The following TMEM62 variants were observed in gnomAD, a reference collection of about 807,000 sequenced individuals.
TMEM62 encodes the protein transmembrane protein 62.
A neutral mutation model predicts 70.4 loss-of-function variants in TMEM62; 41 were observed. That is an observed-to-expected ratio of 0.58 (90% CI 0.45 to 0.76). The LOEUF is 0.76. Among genes scored for constraint, TMEM62 ranks in the 30% least tolerant of loss-of-function variants. The probability of loss-of-function intolerance (pLI) is 0.00; values close to 1 mark genes in which losing one functional copy is unlikely to be tolerated. For missense variants in TMEM62, 688 were observed against 788.5 expected (o/e 0.87, Z 1.53); for synonymous variants, 268 against 291.0 (o/e 0.92, Z 0.80).
At chr15:43,140,804 T>C (rs538024878) in intron 4 of TMEM62, among the ~76,000 whole-genome samples, 5 of 152,334 alleles carry the variant, frequency 3.3e-5, no homozygotes, top group African/African-American at 1.2e-4. Flanking sequence ...GGTACATACA[T>C]GCTTCCCTTC....
chr15:43,181,383 AG>A, intron 13 of TMEM62, 84 bp downstream of exon 13: 1 of 849,476 alleles, frequency 1.2e-6, no homozygotes. Flanking sequence ...TCCAAAATCC[AG>A]AATTAAGTAC....
intron 10 of TMEM62, among the ~76,000 whole-genome samples, chr15:43,166,807 A>G (rs1196924114): frequency 6.6e-6 from 1 of 152,042 alleles, no homozygotes; most frequent in East Asian, 1.9e-4. Context: ...AATCCATTCA[A>G]CCCTGAGTGG....
chr15:43,142,757 C>G (rs1169458212), intron 4 of TMEM62, among the ~76,000 whole-genome samples: 2 of 151,864 alleles, frequency 1.3e-5, no homozygotes, highest in Non-Finnish European at 2.9e-5. Flanking sequence ...CAATCTCCAC[C>G]TTCCAGGCTC....
At chr15:43,181,433 T>C in intron 13 of TMEM62, 134 bp downstream of exon 13, 1 of 660,936 alleles carries the variant, frequency 1.5e-6, no homozygotes. Flanking sequence ...AGGGCAGTCT[T>C]TAATAAAAGC....
chr15:43,177,355 G>A (rs2040861531), intron 11 of TMEM62, among the ~76,000 whole-genome samples: 1 of 152,024 alleles, frequency 6.6e-6, no homozygotes, highest in African/African-American at 2.4e-5. Context: ...GAAGCAACAG[G>A]TGCTGGAGAG....
At chr15:43,155,683 T>C (rs2037965717) in intron 9 of TMEM62, among the ~76,000 whole-genome samples, 2 of 152,158 alleles carry the variant, frequency 1.3e-5, no homozygotes, top group African/African-American at 4.8e-5. Context: ...TTGCCCAGAA[T>C]CTTTTCATAA....
intron 11 of TMEM62, among the ~76,000 whole-genome samples, chr15:43,175,724 A>G (rs2040653171): frequency 6.6e-6 from 1 of 152,194 alleles, no homozygotes; most frequent in South Asian, 2.1e-4. Context: ...GAACAGGAAC[A>G]GCTCCGGTCT....
At chr15:43,176,111 G>A (rs928982601) in intron 11 of TMEM62, among the ~76,000 whole-genome samples, 4 of 152,268 alleles carry the variant, frequency 2.6e-5, no homozygotes, top group African/African-American at 9.6e-5. Context: ...CAAACTGCAA[G>A]GCAGCAGTGA....
intron 8 of TMEM62, among the ~76,000 whole-genome samples, chr15:43,154,058 G>A (rs2037740427): frequency 1.3e-5 from 2 of 152,094 alleles, no homozygotes; most frequent in African/African-American, 4.8e-5. Flanking sequence ...TATTATTATT[G>A]GATATTATGC....
At chr15:43,134,163 CT>C in intron 1 of TMEM62, 93 bp from the exon 2 acceptor site, 1 of 1,483,928 alleles carries the variant, frequency 6.7e-7, no homozygotes, top group Non-Finnish European at 9.2e-7. Context: ...GCCTCTTTGC[CT>C]TTTCCTTCTG....
chr15:43,173,614 T>C (rs780177811), intron 11 of TMEM62, among the ~76,000 whole-genome samples: 11 of 152,230 alleles, frequency 7.2e-5, no homozygotes, highest in Non-Finnish European at 1.5e-4. Flanking sequence ...ATCCCTACTT[T>C]AAGTTATTTT....
intron 11 of TMEM62, among the ~76,000 whole-genome samples, chr15:43,174,208 C>T (rs1406242710): frequency 2.0e-5 from 3 of 152,130 alleles, no homozygotes; most frequent in Non-Finnish European, 2.9e-5. Context: ...CTGTTTCCCA[C>T]AGCCCCCAGC....
chr15:43,161,490 C>T (rs1234774170), intron 10 of TMEM62, among the ~76,000 whole-genome samples: 1 of 152,052 alleles, frequency 6.6e-6, no homozygotes, highest in Admixed American at 6.6e-5. Flanking sequence ...GTGTAGAAAA[C>T]TTGGAAAATT....
At chr15:43,167,289 G>A (rs1477502525) in intron 10 of TMEM62, among the ~76,000 whole-genome samples, 3 of 151,882 alleles carry the variant, frequency 2.0e-5, no homozygotes, top group African/African-American at 7.2e-5. Context: ...CTCCCGGACG[G>A]GGTGGCTGCC....
At chr15:43,175,938 G>T (rs367872663) in intron 11 of TMEM62, among the ~76,000 whole-genome samples, 2 of 152,338 alleles carry the variant, frequency 1.3e-5, no homozygotes, top group South Asian at 4.1e-4. Context: ...GTCAAAGAAA[G>T]GGGTAACAGA....
chr15:43,149,684 A>G (rs935093666), intron 7 of TMEM62, among the ~76,000 whole-genome samples: 3 of 151,996 alleles, frequency 2.0e-5, no homozygotes, highest in Admixed American at 6.6e-5. Context: ...GGCCTCCCAA[A>G]GTACTAGGAT....
At chr15:43,167,775 C>CT (rs2039691784) in intron 10 of TMEM62, among the ~76,000 whole-genome samples, 1 of 152,170 alleles carries the variant, frequency 6.6e-6, no homozygotes, top group African/African-American at 2.4e-5. Flanking sequence ...AGGCAGGCTG[C>CT]TGGGAGGTCG....
intron 4 of TMEM62, among the ~76,000 whole-genome samples, chr15:43,145,426 C>T (rs1226409979): frequency 6.6e-6 from 1 of 151,904 alleles, no homozygotes; most frequent in Non-Finnish European, 1.5e-5. Flanking sequence ...AGGATGGTCT[C>T]GATCTCCTGA....
chr15:43,158,985 A>G (rs1207207055), intron 9 of TMEM62, among the ~76,000 whole-genome samples: 3 of 152,160 alleles, frequency 2.0e-5, no homozygotes, highest in East Asian at 3.8e-4. Flanking sequence ...CATGTTGACT[A>G]CTAAGCCCTT....
Sources: gnomAD v4.1 joint callset for allele counts (sites outside exome capture counted in the v4.1 genomes callset) on GRCh38, gnomAD v4.1.1 for gene constraint, MANE v1.5 for transcripts, NCBI Gene and HGNC (gene_info 2026-07-23, HGNC 2026-07-21) for gene names.